Variants in PRKD1 observed in about 807,000 individuals in gnomAD.
PRKD1 encodes protein kinase D1.
In PRKD1, 63 loss-of-function variants were observed where a neutral mutation model predicts 95.9. The observed-to-expected ratio is 0.66, with a 90% CI of 0.54 to 0.81. The LOEUF (loss-of-function observed/expected upper bound fraction) is 0.81. PRKD1 is among the 30% of genes least tolerant of loss of function. PRKD1 has a pLI of 0.00. For missense variants in PRKD1, 1,048 were observed against 1,165.3 expected (o/e 0.90, Z 1.47); for synonymous variants, 425 against 423.1 (o/e 1.00, Z -0.05).
At chr14:29,584,108 G>T (rs956792614) in intron 16 of PRKD1, among the ~76,000 whole-genome samples, 4 of 152,126 alleles carry the variant, frequency 2.6e-5, no homozygotes, top group African/African-American at 9.7e-5. Flanking sequence ...GGTATATGCG[G>T]GTGCAGAGGG....
chr14:29,640,508 A>G (rs1178106504), intron 4 of PRKD1, among the ~76,000 whole-genome samples: 1 of 152,250 alleles, frequency 6.6e-6, no homozygotes, highest in African/African-American at 2.4e-5. Flanking sequence ...AAAACTGTAA[A>G]GCATAATTAT....
chr14:29,652,772 T>A (rs1299233239), intron 4 of PRKD1: 4 of 152,228 alleles, frequency 2.6e-5, no homozygotes, highest in African/African-American at 9.6e-5. Flanking sequence ...TTCCTGGAAT[T>A]CCAGAACACA....
At chr14:29,860,273 G>A (rs1892661096) in intron 1 of PRKD1, among the ~76,000 whole-genome samples, 3 of 152,194 alleles carry the variant, frequency 2.0e-5, no homozygotes, top group South Asian at 4.1e-4. Context: ...GAAGGCTGCG[G>A]AGGGAAAAAA....
Position 29,797,430 on chromosome 14 carries a change from T to C in PRKD1, c.265-71756A>G, listed in dbSNP as rs45446494. Among the ~76,000 whole-genome samples, 1,350 of 152,300 alleles carry C rather than the reference T, an allele frequency of 8.9e-3. 19 individuals are homozygous for C. The highest frequency in any genetic ancestry group is 0.031 in the African/African-American group (1,308 of 41,562). On this transcript the variant is annotated intron_variant, in intron 1 of 17. Coordinates refer to ENST00000331968, the MANE Select transcript of PRKD1 (RefSeq NM_002742.3). ...GATGTTTAAAATGTACTGTTAGGAATTGCTTAAATATCTGTCTGAAGTATC... is the reference window on the plus strand; with the variant it reads ...GATGTTTAAAATGTACTGTTAGGAACTGCTTAAATATCTGTCTGAAGTATC...
chr14:29,718,623 C>T (rs1339263354), intron 2 of PRKD1, among the ~76,000 whole-genome samples: 4 of 152,216 alleles, frequency 2.6e-5, no homozygotes, highest in South Asian at 2.1e-4. Flanking sequence ...TGTATTTTCA[C>T]ATTTAGATTT....
At position 29,831,602 on chromosome 14, in the gene PRKD1, G is replaced by A. The variant is rs539120588; in HGVS notation, c.264+95647C>T. On this transcript the variant is annotated intron_variant, in intron 1 of 17. Coordinates refer to ENST00000331968, the MANE Select transcript of PRKD1 (RefSeq NM_002742.3). ...TCCTGTCTCAGCCTCCCAAGTAGCT[G>A]GGATTACAGGCATGTGCCACCACAC... Among the ~76,000 whole-genome samples the A allele has an allele frequency of 2.0e-5, 3 of 152,092 alleles. No homozygotes were observed. In the South Asian group the frequency reaches 6.2e-4, roughly 32 times the overall value.
chr14:29,645,720 G>T (rs752972976), intron 4 of PRKD1, among the ~76,000 whole-genome samples: 6 of 141,330 alleles, frequency 4.2e-5, no homozygotes, highest in Non-Finnish European at 8.8e-5. Context: ...TCCTAGACAC[G>T]CATAACTGTT....
chr14:29,755,754 C>A (rs951469976), intron 1 of PRKD1, among the ~76,000 whole-genome samples: 1 of 152,152 alleles, frequency 6.6e-6, no homozygotes, highest in African/African-American at 2.4e-5. Context: ...GCCTTGATAT[C>A]AGAAGAACCC....
chr14:29,856,838 A>G (rs192776890), intron 1 of PRKD1, among the ~76,000 whole-genome samples: 1 of 152,314 alleles, frequency 6.6e-6, no homozygotes, highest in African/African-American at 2.4e-5. Flanking sequence ...TTTCTTCTGT[A>G]GCCTAATCCA....
chr14:29,663,702 A>C lies in PRKD1; in HGVS notation c.693T>G (p.Leu231=), dbSNP rs950912576. The C allele has an allele frequency of 3.1e-6, 5 of 1,613,532 alleles. No individual in the cohort carries two copies. The highest frequency in any genetic ancestry group is 4.2e-6 in the Non-Finnish European group (5 of 1,179,708). The change falls in exon 4 of 18, where the codon CTT becomes CTG. Residue 231 remains leucine, a synonymous_variant. Coordinates refer to ENST00000331968, the MANE Select transcript of PRKD1 (RefSeq NM_002742.3). ...GTGGGTAAACAGGAAGCCATACCAGAAGGGGCTCATCAGGGGCACTTGTAG... is the reference window on the plus strand; with the variant it reads ...GTGGGTAAACAGGAAGCCATACCAGCAGGGGCTCATCAGGGGCACTTGTAG... ...ELSTSAPDEP[L]LQKSPSESFI...
At chr14:29,720,779 C>CAA (rs199687649) in intron 2 of PRKD1, among the ~76,000 whole-genome samples, 216 of 146,846 alleles carry the variant, frequency 1.5e-3, no homozygotes, top group African/African-American at 4.3e-3. Context: ...GATTCTGTCT[C>CAA]AAAAAAAATA....
At chr14:29,652,148 GC>G (rs1881545745) in intron 4 of PRKD1, among the ~76,000 whole-genome samples, 1 of 152,124 alleles carries the variant, frequency 6.6e-6, no homozygotes, top group Non-Finnish European at 1.5e-5. Flanking sequence ...TTAGATGGAC[GC>G]AGATGCCCAC....
At chr14:29,922,018 A>T (rs1405023013) in intron 1 of PRKD1, among the ~76,000 whole-genome samples, 1 of 152,230 alleles carries the variant, frequency 6.6e-6, no homozygotes, top group African/African-American at 2.4e-5. Context: ...AAGGTTTATA[A>T]GTCTGTGAAT....
At chr14:29,588,296 G>A (rs1279482412) in intron 16 of PRKD1, among the ~76,000 whole-genome samples, 2 of 152,094 alleles carry the variant, frequency 1.3e-5, no homozygotes, top group Non-Finnish European at 2.9e-5. Flanking sequence ...AGTGTTTAGC[G>A]TTCTGGAACA....
At chr14:29,657,132 G>A (rs184368712) in intron 4 of PRKD1, among the ~76,000 whole-genome samples, 5 of 152,228 alleles carry the variant, frequency 3.3e-5, no homozygotes, top group Admixed American at 6.5e-5. Flanking sequence ...ATCTGATTCC[G>A]TTCAAGGTTG....
At chr14:29,911,339 A>T (rs1370634992) in intron 1 of PRKD1, among the ~76,000 whole-genome samples, 1 of 152,194 alleles carries the variant, frequency 6.6e-6, no homozygotes, top group African/African-American at 2.4e-5. Context: ...AATCTGTTAG[A>T]CTTATTAAAA....
At chr14:29,670,718 C>A (rs1346293429) in intron 2 of PRKD1, among the ~76,000 whole-genome samples, 1 of 152,148 alleles carries the variant, frequency 6.6e-6, no homozygotes, top group Non-Finnish European at 1.5e-5. Flanking sequence ...TACACATATA[C>A]CTAACCCCCA....
chr14:29,910,660 CCAAT>C (rs1426140863), intron 1 of PRKD1, among the ~76,000 whole-genome samples: 1 of 152,094 alleles, frequency 6.6e-6, no homozygotes, highest in East Asian at 1.9e-4. Flanking sequence ...AATTAAAAAT[CCAAT>C]CAAGTGATCA....
At chr14:29,890,629 T>A (rs1028668180) in intron 1 of PRKD1, among the ~76,000 whole-genome samples, 1 of 152,180 alleles carries the variant, frequency 6.6e-6, no homozygotes, top group Non-Finnish European at 1.5e-5. Context: ...CTCTTTTTTT[T>A]CTTCAGTAAA....
Sources: gnomAD v4.1 joint callset for allele counts (sites outside exome capture counted in the v4.1 genomes callset) on GRCh38, gnomAD v4.1.1 for gene constraint, MANE v1.5 for transcripts, NCBI Gene and HGNC (gene_info 2026-07-23, HGNC 2026-07-21) for gene names.